ANK2: variants seen among roughly 807,000 people sequenced by gnomAD.
ANK2 encodes ankyrin-2.
A neutral mutation model predicts 360.5 loss-of-function variants in ANK2; 83 were observed. The observed-to-expected ratio is 0.23, with a 90% CI of 0.19 to 0.28. ANK2 has a LOEUF of 0.28. Ranked by LOEUF, ANK2 falls within the 10% of genes least tolerant of loss-of-function variation. ANK2 has a pLI of 1.00. For missense variants in ANK2, 4,201 were observed against 4,795.7 expected (o/e 0.88, Z 3.66); for synonymous variants, 1,740 against 1,759.5 (o/e 0.99, Z 0.28).
intron 1 of ANK2, among the ~76,000 whole-genome samples, chr4:113,108,192 C>A (rs1426936263): frequency 6.6e-6 from 1 of 152,090 alleles, no homozygotes; most frequent in African/African-American, 2.4e-5. Flanking sequence ...GGTTTGTTAT[C>A]TGTTAAAGGC....
intron 1 of ANK2, among the ~76,000 whole-genome samples, chr4:113,098,752 T>C (rs1301137950): frequency 6.6e-6 from 1 of 151,978 alleles, no homozygotes; most frequent in Non-Finnish European, 1.5e-5. Context: ...TACAGACCAA[T>C]ATCTGTCATG....
chr4:113,102,404 C>T (rs1187198376), intron 1 of ANK2, among the ~76,000 whole-genome samples: 1 of 151,910 alleles, frequency 6.6e-6, no homozygotes, highest in African/African-American at 2.4e-5. Flanking sequence ...AGATGGGCAG[C>T]TCAGAAAAGA....
At chr4:113,240,126 T>C (rs2038965572) in intron 7 of ANK2, among the ~76,000 whole-genome samples, 1 of 152,208 alleles carries the variant, frequency 6.6e-6, no homozygotes, top group Admixed American at 6.5e-5. Flanking sequence ...TTCATTGATA[T>C]GTTAATCCTA....
At position 113,139,762 on chromosome 4, in the gene ANK2, A is replaced by G. The variant is rs1032352422; in HGVS notation, c.85-34654A>G. ...TGCGTGGAGTAGCCTTCGGAAAGCT[A>G]TGCAAGCTGTTAGCACTGTTTATTA... is the stretch of plus-strand genomic sequence containing the variant. On this transcript the variant is annotated intron_variant, in intron 1 of 45. Coordinates refer to ENST00000357077, the MANE Select transcript of ANK2 (RefSeq NM_001148.6). 4.6e-5 allele frequency among the ~76,000 whole-genome samples: 7 copies of G among 152,218 alleles called. 1 individual carries two copies. The highest frequency in any genetic ancestry group is 9.6e-5 in the African/African-American group (4 of 41,452).
At position 113,258,369 on chromosome 4, in the gene ANK2, C is replaced by G. The variant is rs1435867786; in HGVS notation, c.1344C>G (p.Leu448=). 6.2e-6 allele frequency: 10 copies of G among 1,614,054 alleles called. No homozygotes were observed. The highest frequency in any genetic ancestry group is 8.5e-6 in the Non-Finnish European group (10 of 1,180,028). ...TCATGGGCCACTTGAACATTGTCCT[C>G]CTTCTGCTGCAGAACGGAGCCTCTC... is the stretch of plus-strand genomic sequence containing the variant. ...AAFMGHLNIV[L]LLLQNGASPD... Residue 448 remains leucine, a synonymous_variant, in exon 13 of 46, where the codon CTC becomes CTG. Transcript: ENST00000357077.
At chr4:113,222,658 GTC>G (rs913130121) in intron 4 of ANK2, among the ~76,000 whole-genome samples, 3 of 152,110 alleles carry the variant, frequency 2.0e-5, no homozygotes, top group African/African-American at 7.2e-5. Flanking sequence ...GTGAGCCACA[GTC>G]TCATTCGTAA....
At chr4:113,380,354 T>C (rs2097127740) in intron 45 of ANK2, among the ~76,000 whole-genome samples, 1 of 152,196 alleles carries the variant, frequency 6.6e-6, no homozygotes, top group Non-Finnish European at 1.5e-5. Flanking sequence ...AAAATTAATA[T>C]GACTATACAA....
intron 4 of ANK2, among the ~76,000 whole-genome samples, chr4:113,220,390 G>A (rs2099136457): frequency 1.3e-5 from 2 of 152,166 alleles, no homozygotes; most frequent in Admixed American, 1.3e-4. Context: ...TGAAAAACCA[G>A]GATACTTCCA....
intron 5 of ANK2, among the ~76,000 whole-genome samples, chr4:113,234,659 G>A (rs2099357033): frequency 6.6e-6 from 1 of 152,080 alleles, no homozygotes; most frequent in South Asian, 2.1e-4. Context: ...CCTAAAGAAG[G>A]GACTTGCCCT....
chr4:113,029,419 A>ATTT (rs1466189085), intron 2 of ANK2, among the ~76,000 whole-genome samples: 3 of 151,806 alleles, frequency 2.0e-5, no homozygotes, highest in Non-Finnish European at 4.4e-5. Flanking sequence ...TTATTTATTT[A>ATTT]TTTTTTGTAG....
intron 2 of ANK2, among the ~76,000 whole-genome samples, chr4:112,965,035 T>C (rs2036646641): frequency 6.6e-6 from 1 of 152,224 alleles, no homozygotes. Context: ...GGTTGCTGGA[T>C]CATATGGTAA....
intron 26 of ANK2, among the ~76,000 whole-genome samples, chr4:113,326,255 T>A (rs540017649): frequency 6.6e-6 from 1 of 152,356 alleles, no homozygotes; most frequent in East Asian, 1.9e-4. Flanking sequence ...ATGAAAATGC[T>A]CAGATGCTTA....
intron 15 of ANK2, among the ~76,000 whole-genome samples, chr4:113,275,416 A>G (rs1323882603): frequency 6.6e-6 from 1 of 152,216 alleles, no homozygotes; most frequent in Non-Finnish European, 1.5e-5. Flanking sequence ...TCATGGGGCA[A>G]AATAATTCCC....
chr4:112,751,043 G>A, the ANK2 span, among the ~76,000 whole-genome samples: 53 of 152,168 alleles, frequency 3.5e-4, no homozygotes, highest in South Asian at 1.0e-3. Flanking sequence ...ATTTAACAAG[G>A]TACAGAAACG....
intron 1 of ANK2, among the ~76,000 whole-genome samples, chr4:113,130,999 GA>G (rs2095991631): frequency 6.6e-6 from 1 of 152,110 alleles, no homozygotes; most frequent in Non-Finnish European, 1.5e-5. Flanking sequence ...AAAATTTCTG[GA>G]AAAATATTTT....
At chr4:113,060,710 C>T (rs537891297) in intron 1 of ANK2, among the ~76,000 whole-genome samples, 13 of 112,586 alleles carry the variant, frequency 1.2e-4, no homozygotes, top group Admixed American at 2.0e-4. Context: ...TTCCCAAATA[C>T]GGTTTAAAAC....
intron 37 of ANK2, among the ~76,000 whole-genome samples, chr4:113,351,638 T>C (rs2095420433): frequency 6.6e-6 from 1 of 152,086 alleles, no homozygotes; most frequent in Admixed American, 6.6e-5. Flanking sequence ...ACTCCATTTA[T>C]TTAAATGGCC....
intron 1 of ANK2, among the ~76,000 whole-genome samples, chr4:113,071,469 T>A (rs1486780511): frequency 6.6e-6 from 1 of 152,202 alleles, no homozygotes; most frequent in South Asian, 2.1e-4. Flanking sequence ...GGCTGTTGCC[T>A]ACCCTGGCTG....
rs777428508 is a variant in ANK2, at chr4:113,255,800, A to G, written c.1056A>G (p.Leu352=). The G allele has an allele frequency of 6.2e-6, 10 of 1,614,224 alleles. No individual in the cohort carries two copies. The highest frequency in any genetic ancestry group is 8.5e-6 in the Non-Finnish European group (10 of 1,180,030). Residue 352 remains leucine, a synonymous_variant, in exon 11 of 46, where the codon TTA becomes TTG. Coordinates refer to ENST00000357077, the MANE Select transcript of ANK2 (RefSeq NM_001148.6). ...ACGTGGAATGTGTGAAGCACCTGTTACAGCACAAGGCACCTGTTGATGATG... is the reference window on the plus strand; with the variant it reads ...ACGTGGAATGTGTGAAGCACCTGTTGCAGCACAAGGCACCTGTTGATGATG... The part of the protein sequence containing the change: ...GDHVECVKHL[L]QHKAPVDDVT...
Sources: gnomAD v4.1 joint callset for allele counts (sites outside exome capture counted in the v4.1 genomes callset) on GRCh38, gnomAD v4.1.1 for gene constraint, MANE v1.5 for transcripts, NCBI Gene and HGNC (gene_info 2026-07-23, HGNC 2026-07-21) for gene names.